CCDC171: variants seen among roughly 807,000 people sequenced by gnomAD.
CCDC171 encodes coiled-coil domain containing 171, also known as coiled-coil domain-containing protein 171.
Under a neutral mutation model 168.2 loss-of-function variants are expected in CCDC171, and 177 were observed. The ratio of observed to expected loss-of-function variants is 1.05; its 90% CI spans 0.93 to 1.19. The LOEUF is 1.19. Ranked by LOEUF, CCDC171 falls within the 50% of genes most tolerant of loss-of-function variation. CCDC171 has a pLI of 0.00. For synonymous variants in CCDC171, 687 were observed against 540.8 expected (o/e 1.27, Z -3.75); for missense variants, 1,991 against 1,539.0 (o/e 1.29, Z -4.91).
In CCDC171 at chr9:16,027,713, T is replaced by G. The variant is rs565856649; in HGVS notation, n.998+4805T>G. 1.8e-4 allele frequency among the ~76,000 whole-genome samples: 27 copies of G among 151,858 alleles called. 1 individual carries two copies. In the Middle Eastern group the frequency reaches 0.01, roughly 58 times the overall value. ...ACATTGTTTGCATTAAAGGGCTGAG[T>G]TTTTCAGTGGGTAATCATCAGGGAA... On this transcript the variant is annotated intron_variant and non_coding_transcript_variant, in intron 6 of 9. Transcript: ENST00000486641.
At chr9:15,763,953 G>A (rs1389485810) in intron 18 of CCDC171, among the ~76,000 whole-genome samples, 1 of 152,116 alleles carries the variant, frequency 6.6e-6, no homozygotes, top group African/African-American at 2.4e-5. Context: ...TTCTTGGGTT[G>A]TAAGCCTGTG....
chr9:15,583,453 A>G (rs1421867055), intron 4 of CCDC171, among the ~76,000 whole-genome samples: 1 of 152,014 alleles, frequency 6.6e-6, no homozygotes, highest in African/African-American at 2.4e-5. Context: ...ACAGCAAGGA[A>G]TACTACTGAG....
chr9:15,948,015 C>G (rs1166591095), intron 25 of CCDC171, among the ~76,000 whole-genome samples: 1 of 150,680 alleles, frequency 6.6e-6, no homozygotes, highest in Non-Finnish European at 1.5e-5. Context: ...GTGATGTTCC[C>G]CTTCCTGTGT....
At chr9:15,822,923 T>C (rs907824689) in intron 21 of CCDC171, among the ~76,000 whole-genome samples, 3 of 152,118 alleles carry the variant, frequency 2.0e-5, no homozygotes, top group Non-Finnish European at 2.9e-5. Flanking sequence ...TAGCAAAGAC[T>C]TGGAACCAAC....
At chr9:15,991,852 A>G (rs1832211024) in intron 3 of CCDC171, among the ~76,000 whole-genome samples, 1 of 152,220 alleles carries the variant, frequency 6.6e-6, no homozygotes, top group Non-Finnish European at 1.5e-5. Flanking sequence ...ATTCCTGGAC[A>G]CATACACCCT....
At chr9:15,880,113 T>C (rs1280089626) in intron 24 of CCDC171, among the ~76,000 whole-genome samples, 1 of 152,208 alleles carries the variant, frequency 6.6e-6, no homozygotes, top group Non-Finnish European at 1.5e-5. Flanking sequence ...GAGATTCTCC[T>C]TGGTGAAGTA....
At chr9:16,098,144 G>A in the CCDC171 span, among the ~76,000 whole-genome samples, 6 of 151,582 alleles carry the variant, frequency 4.0e-5, no homozygotes, top group African/African-American at 1.2e-4. Flanking sequence ...TCAGAGTTCG[G>A]CTATCTTTTA....
the CCDC171 span, among the ~76,000 whole-genome samples, chr9:16,080,296 A>T: frequency 1.3e-5 from 2 of 152,040 alleles, no homozygotes; most frequent in African/African-American, 2.4e-5. Flanking sequence ...TAATCATTTT[A>T]TTGGTTTTTT....
chr9:15,870,440 G>A (rs956997456), intron 23 of CCDC171, among the ~76,000 whole-genome samples: 7 of 151,728 alleles, frequency 4.6e-5, no homozygotes, highest in African/African-American at 1.7e-4. Context: ...TTGAAGCATC[G>A]GAGGCCATAA....
At chr9:15,717,259 A>G (rs1339332601) in intron 11 of CCDC171, among the ~76,000 whole-genome samples, 1 of 152,186 alleles carries the variant, frequency 6.6e-6, no homozygotes, top group African/African-American at 2.4e-5. Flanking sequence ...CACTGAGAAT[A>G]AGCCAGTGCT....
rs139054472 is a variant in CCDC171, at chr9:16,034,170, C to G, written n.999-1287C>G. Among the ~76,000 whole-genome samples the G allele has an allele frequency of 1.8e-3, 268 of 152,292 alleles. 2 individuals are homozygous for G. Among genetic ancestry groups the G allele is most frequent in the African/African-American group, 6.0e-3 (250 of 41,572 alleles). ...AAGCAACAACGTGCACTGACAGGTG[C>G]TAGGTTCAGTCACTGGCTTTGGGTT... On this transcript the variant is annotated intron_variant and non_coding_transcript_variant, in intron 6 of 9. Coordinates refer to the CCDC171 transcript ENST00000486641.
intron 18 of CCDC171, among the ~76,000 whole-genome samples, chr9:15,757,359 G>A (rs573983572): frequency 1.2e-4 from 19 of 152,258 alleles, no homozygotes; most frequent in African/African-American, 4.3e-4. Flanking sequence ...ATAGACTGGC[G>A]GTGTTTTGCC....
At chr9:15,869,417 T>A (rs57351686) in intron 23 of CCDC171, among the ~76,000 whole-genome samples, 2,680 of 152,004 alleles carry the variant, frequency 0.018, 87 homozygotes, top group African/African-American at 0.06. Flanking sequence ...TAATTTTTTT[T>A]AAATTATTTT....
At chr9:15,562,226 C>T (rs951915423) in intron 1 of CCDC171, among the ~76,000 whole-genome samples, 1 of 152,078 alleles carries the variant, frequency 6.6e-6, no homozygotes, top group African/African-American at 2.4e-5. Context: ...TACCTCCTGA[C>T]CTCGTGATCC....
At chr9:15,559,346 CATT>C (rs1329178884) in intron 1 of CCDC171, among the ~76,000 whole-genome samples, 1 of 151,860 alleles carries the variant, frequency 6.6e-6, no homozygotes, top group African/African-American at 2.4e-5. Context: ...TAAAGTCTCC[CATT>C]ATTATTGTAT....
chr9:15,664,020 A>G (rs1052080511), intron 8 of CCDC171, among the ~76,000 whole-genome samples: 6 of 152,230 alleles, frequency 3.9e-5, no homozygotes, highest in African/African-American at 1.4e-4. Flanking sequence ...AAACAGTCAA[A>G]TACCACATGA....
At chr9:16,082,553 A>G in the CCDC171 span, among the ~76,000 whole-genome samples, 1 of 152,234 alleles carries the variant, frequency 6.6e-6, no homozygotes. Context: ...AAGAAGGGCT[A>G]ATTCTTGTAA....
intron 25 of CCDC171, among the ~76,000 whole-genome samples, chr9:15,932,400 T>G (rs753300160): frequency 2.6e-5 from 4 of 151,900 alleles, no homozygotes; most frequent in Non-Finnish European, 5.9e-5. Context: ...TCTTTATTTC[T>G]TTTTCAGATA....
intron 24 of CCDC171, among the ~76,000 whole-genome samples, chr9:15,898,363 CTT>C (rs766046154): frequency 1.3e-5 from 2 of 152,140 alleles, no homozygotes; most frequent in Non-Finnish European, 2.9e-5. Flanking sequence ...TACATTGACT[CTT>C]TTGAGGCAAC....
Sources: gnomAD v4.1 joint callset for allele counts (sites outside exome capture counted in the v4.1 genomes callset) on GRCh38, gnomAD v4.1.1 for gene constraint, MANE v1.5 for transcripts, NCBI Gene and HGNC (gene_info 2026-07-23, HGNC 2026-07-21) for gene names.